Variants in WWOX observed in about 807,000 individuals in gnomAD.
WWOX encodes WW domain-containing oxidoreductase.
Under a neutral mutation model 46.2 loss-of-function variants are expected in WWOX, and 69 were observed. The observed-to-expected ratio is 1.49, with a 90% CI of 1.23 to 1.82. WWOX has a LOEUF of 1.82. Ranked by LOEUF, WWOX falls within the 40% of genes most tolerant of loss-of-function variation. The pLI, the probability that WWOX is intolerant of heterozygous loss-of-function variation, is 0.00. For missense variants in WWOX, 919 were observed against 542.6 expected, an observed-to-expected ratio of 1.69 and a Z score of -6.89; for synonymous variants, 359 against 202.6, an observed-to-expected ratio of 1.77 and a Z score of -6.56.
intron 8 of WWOX, among the ~76,000 whole-genome samples, chr16:78,560,019 G>C (rs959117605): frequency 4.6e-5 from 7 of 152,190 alleles, no homozygotes; most frequent in Non-Finnish European, 8.8e-5. Context: ...AGAAATTAGT[G>C]ACATTGAAAG....
At chr16:78,506,306 C>T (rs940964412) in intron 8 of WWOX, among the ~76,000 whole-genome samples, 2 of 152,322 alleles carry the variant, frequency 1.3e-5, no homozygotes, top group African/African-American at 2.4e-5. Context: ...GCTTTTGCTT[C>T]GGAAACGAAT....
intron 5 of WWOX, among the ~76,000 whole-genome samples, chr16:78,327,091 C>T (rs201131621): frequency 2.0e-5 from 3 of 152,180 alleles, no homozygotes; most frequent in Admixed American, 1.3e-4. Context: ...ACCTCAAATC[C>T]TGACCTTGTG....
At chr16:78,331,467 A>T (rs150400060) in intron 5 of WWOX, among the ~76,000 whole-genome samples, 1 of 152,194 alleles carries the variant, frequency 6.6e-6, no homozygotes, top group Admixed American at 6.5e-5. Flanking sequence ...TGTAGGTGAG[A>T]TTCTTTGGAG....
At position 78,881,079 on chromosome 16, in the gene WWOX, C is replaced by T. The variant is rs572976876; in HGVS notation, c.1057-330529C>T. On this transcript the variant is annotated intron_variant, in intron 8 of 8. Coordinates refer to ENST00000566780, the MANE Select transcript of WWOX (RefSeq NM_016373.4). ...GGATCACGGCTCACTGCAACCTTTG[C>T]CTCCTGGGCGCAAGTGATCCTCCTA... Among the ~76,000 whole-genome samples, 3 of 149,786 alleles carry T rather than the reference C, an allele frequency of 2.0e-5. No individual in the cohort carries two copies. The East Asian group carries it at 6.0e-4, about 30-fold the overall frequency.
chr16:78,667,522 T>A (rs373738188), intron 8 of WWOX, among the ~76,000 whole-genome samples: 58 of 151,778 alleles, frequency 3.8e-4, no homozygotes, highest in African/African-American at 1.4e-3. Context: ...GTACAAAAAA[T>A]TAGCCAGGCG....
At chr16:78,387,355 A>T (rs1198346838) in intron 6 of WWOX, among the ~76,000 whole-genome samples, 1 of 152,218 alleles carries the variant, frequency 6.6e-6, no homozygotes, top group East Asian at 1.9e-4. Flanking sequence ...CAATCCAAGC[A>T]CCCAAAAGAC....
At chr16:78,850,611 C>T (rs552398244) in intron 8 of WWOX, among the ~76,000 whole-genome samples, 61 of 152,298 alleles carry the variant, frequency 4.0e-4, no homozygotes, top group African/African-American at 1.4e-3. Flanking sequence ...ACTGCTACTT[C>T]ATATTTACCA....
rs117281758 is a variant in WWOX at position 79,059,584 on chromosome 16, G to A, written c.1057-152024G>A. Among the ~76,000 whole-genome samples, 340 of 152,178 alleles carry A rather than the reference G, an allele frequency of 2.2e-3. 1 individual carries two copies. Among genetic ancestry groups the A allele is most frequent in the East Asian group, 0.015 (78 of 5,168 alleles). On this transcript the variant is annotated intron_variant, in intron 8 of 8. Coordinates refer to ENST00000566780, the MANE Select transcript of WWOX (RefSeq NM_016373.4). Reference sequence around the variant, plus strand: ...CGGCTCACTGCAGCCTCCGCCTTCCGGGTTCAAGTGATGCTCCTGCCTCAG... The same window carrying A: ...CGGCTCACTGCAGCCTCCGCCTTCCAGGTTCAAGTGATGCTCCTGCCTCAG...
chr16:79,079,753 A>G (rs960565801), intron 8 of WWOX, among the ~76,000 whole-genome samples: 5 of 152,206 alleles, frequency 3.3e-5, no homozygotes, highest in African/African-American at 9.7e-5. Flanking sequence ...ACAGGGAACT[A>G]TATCATTATT....
intron 8 of WWOX, among the ~76,000 whole-genome samples, chr16:79,170,841 A>G (rs1259874937): frequency 6.6e-6 from 1 of 152,140 alleles, no homozygotes; most frequent in African/African-American, 2.4e-5. Context: ...TCCAGGTTTG[A>G]GGGTGATAGC....
At chr16:78,810,736 G>A (rs2051166616) in intron 8 of WWOX, among the ~76,000 whole-genome samples, 1 of 152,056 alleles carries the variant, frequency 6.6e-6, no homozygotes, top group African/African-American at 2.4e-5. Flanking sequence ...AACTAGATTT[G>A]CTCCCTTCTG....
intron 8 of WWOX, among the ~76,000 whole-genome samples, chr16:78,618,567 G>T (rs1006306590): frequency 6.6e-6 from 1 of 152,120 alleles, no homozygotes; most frequent in Non-Finnish European, 1.5e-5. Flanking sequence ...AAAAGGCTCT[G>T]TCTCCAAACA....
chr16:78,424,179 A>G (rs558451918), intron 6 of WWOX, among the ~76,000 whole-genome samples: 107 of 134,320 alleles, frequency 8.0e-4, no homozygotes, highest in African/African-American at 3.0e-3. Flanking sequence ...GTGCAGTGGC[A>G]TGATCTTAGC....
At chr16:78,946,784 A>T (rs1597189270) in intron 8 of WWOX, among the ~76,000 whole-genome samples, 1 of 151,730 alleles carries the variant, frequency 6.6e-6, no homozygotes, top group Non-Finnish European at 1.5e-5. Flanking sequence ...CCCCCGGGGG[A>T]GCTCAGTGCA....
chr16:79,025,996 TAG>T (rs2047633167), intron 8 of WWOX, among the ~76,000 whole-genome samples: 9 of 150,530 alleles, frequency 6.0e-5, no homozygotes, highest in Non-Finnish European at 1.2e-4. Flanking sequence ...AGATGGGTTT[TAG>T]CCATGTTGTG....
intron 8 of WWOX, among the ~76,000 whole-genome samples, chr16:78,560,345 C>A (rs1258037927): frequency 1.3e-5 from 2 of 152,132 alleles, no homozygotes; most frequent in African/African-American, 4.8e-5. Flanking sequence ...TTATTACCAT[C>A]AAGAATAACA....
intron 8 of WWOX, among the ~76,000 whole-genome samples, chr16:78,827,147 T>C (rs1013250191): frequency 6.6e-6 from 1 of 152,232 alleles, no homozygotes; most frequent in South Asian, 2.1e-4. Context: ...AAATCAAATT[T>C]AGCTGTTCCC....
At position 78,730,854 on chromosome 16, in the gene WWOX, A is replaced by G. The variant is rs551269514; in HGVS notation, c.1056+298102A>G. Among the ~76,000 whole-genome samples the G allele has an allele frequency of 3.7e-4, 57 of 152,176 alleles. 1 individual carries two copies. Among genetic ancestry groups the G allele is most frequent in the Non-Finnish European group, 6.3e-4 (43 of 68,020 alleles). ...GGAGAGTCATTTCCATTAGGGAACC[A>G]CCAGGAATCTTGGCAACTTAGCAGC... On this transcript the variant is annotated intron_variant, in intron 8 of 8. Transcript: ENST00000566780.
At chr16:78,552,074 C>G (rs942822757) in intron 8 of WWOX, 1 of 152,186 alleles carries the variant, frequency 6.6e-6, no homozygotes, top group Non-Finnish European at 1.5e-5. Context: ...ACCTGGGGCT[C>G]CCTCTGGAAA....
Sources: allele counts gnomAD v4.1 joint callset (sites outside exome capture counted in the v4.1 genomes callset), GRCh38; gene constraint gnomAD v4.1.1; transcripts MANE v1.5; gene names NCBI Gene and HGNC (gene_info 2026-07-23, HGNC 2026-07-21).